Variants in HS6ST3 observed in about 807,000 individuals in gnomAD.
HS6ST3 encodes heparan sulfate 6-O-sulfotransferase 3, also known as heparan-sulfate 6-O-sulfotransferase 3.
In HS6ST3, 12 loss-of-function variants were observed where a neutral mutation model predicts 36.7. The observed-to-expected ratio is 0.33, with a 90% CI of 0.21 to 0.53. The LOEUF (loss-of-function observed/expected upper bound fraction) is 0.53, where lower values mean the gene tolerates loss of function less well. HS6ST3 is among the 20% of genes least tolerant of loss of function. The probability of loss-of-function intolerance (pLI) is 0.95; values close to 1 mark genes in which losing one functional copy is unlikely to be tolerated. For synonymous variants in HS6ST3, 240 were observed against 257.5 expected (o/e 0.93, Z 0.65); for missense variants, 584 against 640.9 (o/e 0.91, Z 0.96).
intron 1 of HS6ST3, among the ~76,000 whole-genome samples, chr13:96,194,476 T>C (rs2054302907): frequency 6.6e-6 from 1 of 152,166 alleles, no homozygotes; most frequent in Non-Finnish European, 1.5e-5. Context: ...CCCAGCTTTA[T>C]TGGAGTGTAA....
At chr13:96,762,335 C>A (rs1876990274) in intron 1 of HS6ST3, among the ~76,000 whole-genome samples, 1 of 152,056 alleles carries the variant, frequency 6.6e-6, no homozygotes, top group South Asian at 2.1e-4. Flanking sequence ...AAAAAATTAG[C>A]TGGGCATGGT....
chr13:96,830,402 C>T (rs74642333), intron 1 of HS6ST3, among the ~76,000 whole-genome samples: 2,801 of 152,272 alleles, frequency 0.018, 60 homozygotes, highest in African/African-American at 0.051. Flanking sequence ...ACAACTGCTC[C>T]CTTCTTTGCT....
At chr13:96,572,915 T>C (rs1486176843) in intron 1 of HS6ST3, among the ~76,000 whole-genome samples, 1 of 152,216 alleles carries the variant, frequency 6.6e-6, no homozygotes, top group African/African-American at 2.4e-5. Context: ...TAACACTGAA[T>C]AATCCCCAAA....
intron 1 of HS6ST3, among the ~76,000 whole-genome samples, chr13:96,750,836 A>G (rs1876683431): frequency 6.6e-6 from 1 of 152,228 alleles, no homozygotes; most frequent in Non-Finnish European, 1.5e-5. Context: ...TCAAAACATA[A>G]AAAAGAAACA....
At chr13:96,129,049 G>T (rs1418715102) in intron 1 of HS6ST3, among the ~76,000 whole-genome samples, 2 of 152,064 alleles carry the variant, frequency 1.3e-5, no homozygotes, top group Non-Finnish European at 2.9e-5. Flanking sequence ...GTTTCACCAT[G>T]TTGGCCAGCC....
At chr13:96,409,300 A>G (rs2055495765) in intron 1 of HS6ST3, among the ~76,000 whole-genome samples, 1 of 152,256 alleles carries the variant, frequency 6.6e-6, no homozygotes, top group Non-Finnish European at 1.5e-5. Flanking sequence ...CCAGTCATAT[A>G]GCAAGGACTA....
intron 1 of HS6ST3, among the ~76,000 whole-genome samples, chr13:96,558,221 G>C (rs1369007863): frequency 6.6e-6 from 1 of 152,074 alleles, no homozygotes; most frequent in Non-Finnish European, 1.5e-5. Flanking sequence ...AAAAAGTACA[G>C]TTACAGCTTT....
chr13:96,233,455 A>G (rs193267249), intron 1 of HS6ST3, among the ~76,000 whole-genome samples: 99 of 152,300 alleles, frequency 6.5e-4, no homozygotes, highest in Admixed American at 3.1e-3. Flanking sequence ...TGAATATAGA[A>G]CATTCATTTT....
chr13:96,442,726 T>C (rs76141205), intron 1 of HS6ST3, among the ~76,000 whole-genome samples: 1 of 146,978 alleles, frequency 6.8e-6, no homozygotes, highest in Admixed American at 6.9e-5. Flanking sequence ...CTTCAGGAAG[T>C]AGGGTTCTGG....
chr13:96,554,078 T>C (rs923097415), intron 1 of HS6ST3, among the ~76,000 whole-genome samples: 2 of 152,148 alleles, frequency 1.3e-5, no homozygotes, highest in African/African-American at 2.4e-5. Context: ...TAGCTGGAAA[T>C]AGATGTGAAC....
In HS6ST3 at chr13:96,833,326, T is replaced by A. The variant is rs936549051; in HGVS notation, c.*128T>A. ...GTGTGTGCTTGATTTGGACATCTTC[T>A]TCCTTCTTTGTCTTCATTTTTATCC... On this transcript the variant is annotated 3_prime_UTR_variant, in exon 2 of 2. Coordinates refer to ENST00000376705, the MANE Select transcript of HS6ST3 (RefSeq NM_153456.4). 2 of 676,340 alleles carry A rather than the reference T, an allele frequency of 3.0e-6. No homozygotes were observed. The highest frequency in any genetic ancestry group is 3.2e-5 in the Admixed American group (1 of 30,804). The allele number at this position is 676,340 out of a possible 1,614,324, so 41.9% of individuals were successfully genotyped here.
chr13:96,815,430 G>A lies in HS6ST3; in HGVS notation c.708-17060G>A, dbSNP rs544848073. Among the ~76,000 whole-genome samples, 18 of 152,274 alleles carry A rather than the reference G, an allele frequency of 1.2e-4. No homozygotes were observed. The South Asian group carries it at 3.5e-3, about 30-fold the overall frequency. ...ATATTCCCAGGTATGGGGCAGTGGG[G>A]TGGTGGTTAGAACTTCAACATCTTT... is the stretch of plus-strand genomic sequence containing the variant. On this transcript the variant is annotated intron_variant, in intron 1 of 1. Transcript: ENST00000376705.
intron 1 of HS6ST3, among the ~76,000 whole-genome samples, chr13:96,233,627 T>C (rs1323197999): frequency 6.6e-6 from 1 of 151,728 alleles, no homozygotes; most frequent in Non-Finnish European, 1.5e-5. Flanking sequence ...CAGAAGGAAA[T>C]TGGGAGAATA....
intron 1 of HS6ST3, among the ~76,000 whole-genome samples, chr13:96,455,760 G>A (rs2055751742): frequency 6.6e-6 from 1 of 152,148 alleles, no homozygotes; most frequent in Non-Finnish European, 1.5e-5. Flanking sequence ...TGACTTTATT[G>A]TAAACCAGTG....
At chr13:96,655,298 G>T (rs1474759460) in intron 1 of HS6ST3, among the ~76,000 whole-genome samples, 1 of 152,054 alleles carries the variant, frequency 6.6e-6, no homozygotes, top group Non-Finnish European at 1.5e-5. Context: ...GAGTAAATCA[G>T]GGGACATTTC....
At chr13:96,767,767 A>G (rs1012650758) in intron 1 of HS6ST3, among the ~76,000 whole-genome samples, 2 of 152,228 alleles carry the variant, frequency 1.3e-5, no homozygotes, top group Admixed American at 1.3e-4. Context: ...AAGCCTGCAT[A>G]GTACATATGT....
intron 1 of HS6ST3, among the ~76,000 whole-genome samples, chr13:96,342,510 T>G (rs1241366320): frequency 6.6e-6 from 1 of 152,214 alleles, no homozygotes; most frequent in Non-Finnish European, 1.5e-5. Flanking sequence ...TGTTTGAACT[T>G]AAATGAGTCA....
At chr13:96,827,211 T>C (rs1242605784) in intron 1 of HS6ST3, among the ~76,000 whole-genome samples, 1 of 152,208 alleles carries the variant, frequency 6.6e-6, no homozygotes, top group Non-Finnish European at 1.5e-5. Flanking sequence ...TGTTGCCTAG[T>C]CCCAGTGTTT....
At chr13:96,693,100 C>A (rs1453608435) in intron 1 of HS6ST3, among the ~76,000 whole-genome samples, 1 of 152,116 alleles carries the variant, frequency 6.6e-6, no homozygotes. Context: ...AATACTCACC[C>A]TTCTTCTATT....
Sources: gnomAD v4.1 joint callset for allele counts (sites outside exome capture counted in the v4.1 genomes callset) on GRCh38, gnomAD v4.1.1 for gene constraint, MANE v1.5 for transcripts, NCBI Gene and HGNC (gene_info 2026-07-23, HGNC 2026-07-21) for gene names.